ARHGAP6: variants seen among roughly 807,000 people sequenced by gnomAD.
ARHGAP6 encodes rho GTPase-activating protein 6.
Under a neutral mutation model 55.7 loss-of-function variants are expected in ARHGAP6, and 16 were observed. The ratio of observed to expected loss-of-function variants is 0.29; its 90% CI spans 0.19 to 0.44. ARHGAP6 has a LOEUF of 0.44. Among genes scored for constraint, ARHGAP6 ranks in the 20% least tolerant of loss-of-function variants. The pLI is 1.00. For synonymous variants in ARHGAP6, 382 were observed against 360.9 expected (o/e 1.06, Z -0.66); for missense variants, 698 against 808.9 (o/e 0.86, Z 1.66).
At chrX:11,401,874 C>T (rs1446844793) in intron 1 of ARHGAP6, among the ~76,000 whole-genome samples, 1 of 112,130 alleles carries the variant, frequency 8.9e-6, no homozygotes, top group Admixed American at 9.4e-5. Context: ...AGTAAAAAGG[C>T]TAGTGCATTA....
At chrX:11,652,633 A>G (rs1413532914) in intron 1 of ARHGAP6, among the ~76,000 whole-genome samples, 1 of 112,234 alleles carries the variant, frequency 8.9e-6, no homozygotes, top group Non-Finnish European at 1.9e-5. Context: ...ATAATAATTC[A>G]GTATTAGTGA....
intron 1 of ARHGAP6, among the ~76,000 whole-genome samples, chrX:11,269,676 C>T (rs1002341813): frequency 1.8e-5 from 2 of 111,818 alleles, no homozygotes; most frequent in African/African-American, 6.5e-5. Context: ...TGCTGCCTTA[C>T]AGTGCTCAGT....
intron 1 of ARHGAP6, among the ~76,000 whole-genome samples, chrX:11,455,921 A>G (rs988964954): frequency 8.9e-5 from 10 of 112,371 alleles, no homozygotes; most frequent in African/African-American, 3.2e-4. Flanking sequence ...TAAAATTTCT[A>G]ACCTGTTGTT....
chrX:11,431,428 C>A (rs2049939645), intron 1 of ARHGAP6, among the ~76,000 whole-genome samples: 1 of 112,773 alleles, frequency 8.9e-6, no homozygotes, highest in African/African-American at 3.2e-5. Flanking sequence ...ACAGTTAATG[C>A]CAATGCAAGG....
chrX:11,283,091 C>T (rs1052547883), intron 1 of ARHGAP6, among the ~76,000 whole-genome samples: 1 of 111,915 alleles, frequency 8.9e-6, no homozygotes, highest in Non-Finnish European at 1.9e-5. Context: ...CCATTTTACA[C>T]AGGAGGGTAA....
At chrX:11,298,623 C>T in intron 1 of ARHGAP6, 1 of 1,210,961 alleles carries the variant, frequency 8.3e-7, no homozygotes, top group Non-Finnish European at 1.1e-6. Context: ...CCAACAGCAC[C>T]CCCCGACTCA....
chrX:11,177,192 T>G (rs2046238519), intron 8 of ARHGAP6, among the ~76,000 whole-genome samples: 1 of 111,062 alleles, frequency 9.0e-6, no homozygotes, highest in South Asian at 3.8e-4. Flanking sequence ...CTGCATGGTA[T>G]CAAAGAGGGA....
intron 1 of ARHGAP6, among the ~76,000 whole-genome samples, chrX:11,437,252 C>T (rs1010791656): frequency 1.2e-4 from 14 of 112,145 alleles, no homozygotes; most frequent in African/African-American, 4.2e-4. Context: ...TCTCACTATA[C>T]GCCCTTCAAA....
intron 1 of ARHGAP6, among the ~76,000 whole-genome samples, chrX:11,385,848 A>G (rs5933882): frequency 0.059 from 6,665 of 112,136 alleles, 233 homozygotes; most frequent in African/African-American, 0.13. Context: ...AAAATGAGAT[A>G]TATAAATTGG....
chrX:11,224,668 G>GA (rs2047021872), intron 2 of ARHGAP6, among the ~76,000 whole-genome samples: 1 of 110,326 alleles, frequency 9.1e-6, no homozygotes, highest in African/African-American at 3.3e-5. Context: ...GTGGAGGGGG[G>GA]GCGGTTATGA....
At chrX:11,591,301 A>C (rs1380212719) in intron 1 of ARHGAP6, among the ~76,000 whole-genome samples, 1 of 110,367 alleles carries the variant, frequency 9.1e-6, no homozygotes, top group Non-Finnish European at 1.9e-5. Context: ...AATTACAGAC[A>C]AACAATAGAA....
chrX:11,298,394 G>T, intron 1 of ARHGAP6: 1 of 1,122,357 alleles, frequency 8.9e-7, no homozygotes, highest in South Asian at 1.8e-5. Context: ...AATTTAGTTT[G>T]TAAAAAATCA....
chrX:11,650,678 T>C (rs1294883110), intron 1 of ARHGAP6, among the ~76,000 whole-genome samples: 9 of 112,775 alleles, frequency 8.0e-5, no homozygotes, highest in Admixed American at 1.9e-4. Flanking sequence ...ATTACTTCCA[T>C]AACACTATAC....
At chrX:11,440,535 G>T (rs376499653) in intron 1 of ARHGAP6, among the ~76,000 whole-genome samples, 3 of 111,498 alleles carry the variant, frequency 2.7e-5, no homozygotes, top group South Asian at 7.5e-4. Context: ...CTTTGCCTGT[G>T]TAACTCCCAT....
intron 1 of ARHGAP6, among the ~76,000 whole-genome samples, chrX:11,386,244 C>T (rs929719914): frequency 1.2e-4 from 14 of 112,922 alleles, no homozygotes; most frequent in African/African-American, 4.5e-4. Flanking sequence ...AAGAATGTGA[C>T]GTAAGTTTTA....
At chrX:11,641,708 A>G (rs758390395) in intron 1 of ARHGAP6, among the ~76,000 whole-genome samples, 3 of 112,092 alleles carry the variant, frequency 2.7e-5, no homozygotes, top group South Asian at 7.4e-4. Flanking sequence ...TCACCAAGAC[A>G]TACATTCTGC....
At chrX:11,189,789 T>C (rs1177942835) in intron 3 of ARHGAP6, among the ~76,000 whole-genome samples, 1 of 112,003 alleles carries the variant, frequency 8.9e-6, no homozygotes, top group Admixed American at 9.5e-5. Context: ...ATACATAGAG[T>C]TCCTTTCTGA....
intron 1 of ARHGAP6, among the ~76,000 whole-genome samples, chrX:11,473,300 A>C (rs2050367206): frequency 8.9e-6 from 1 of 111,884 alleles, no homozygotes; most frequent in African/African-American, 3.2e-5. Flanking sequence ...ATATTTAAAC[A>C]GTGATTGAAA....
chrX:11,297,572 C>A (rs2048107681), intron 1 of ARHGAP6, among the ~76,000 whole-genome samples: 1 of 112,159 alleles, frequency 8.9e-6, no homozygotes, highest in East Asian at 2.8e-4. Context: ...AATCCTCAAA[C>A]CTAAGGCTAA....
Sources: allele counts gnomAD v4.1 joint callset (sites outside exome capture counted in the v4.1 genomes callset), GRCh38; gene constraint gnomAD v4.1.1; transcripts MANE v1.5; gene names NCBI Gene and HGNC (gene_info 2026-07-23, HGNC 2026-07-21).